Variants in VSTM2A observed in about 807,000 individuals in gnomAD.
VSTM2A encodes V-set and transmembrane domain containing 2A.
A neutral mutation model predicts 27.3 loss-of-function variants in VSTM2A; 13 were observed. The ratio of observed to expected loss-of-function variants is 0.48; its 90% CI spans 0.31 to 0.76. The LOEUF is 0.76. VSTM2A is among the 30% of genes least tolerant of loss of function. VSTM2A has a pLI of 0.05. For synonymous variants in VSTM2A, 142 were observed against 125.7 expected (o/e 1.13, Z -0.87); for missense variants, 280 against 310.0 (o/e 0.90, Z 0.73).
chr7:54,565,320 G>A (rs1345244797), intron 4 of VSTM2A, among the ~76,000 whole-genome samples: 2 of 152,202 alleles, frequency 1.3e-5, no homozygotes, highest in Non-Finnish European at 2.9e-5. Flanking sequence ...CAATATGATG[G>A]AGGCACAGTG....
Position 54,560,422 on chromosome 7 carries a change from A to G in VSTM2A, c.635-8709A>G, listed in dbSNP as rs137864668. Among the ~76,000 whole-genome samples the G allele has an allele frequency of 9.1e-4, 138 of 152,304 alleles. 1 individual carries two copies. The East Asian group carries it at 0.025, about 28-fold the overall frequency. The stretch of plus-strand genomic sequence containing the variant: ...TGAATTCATATTGATTAAATAAATC[A>G]AACACATACAAGCAAATAAAATATC... On this transcript the variant is annotated intron_variant, in intron 4 of 4. Transcript: ENST00000402613.
chr7:54,543,273 G>A (rs1787843889), intron 1 of VSTM2A, among the ~76,000 whole-genome samples: 1 of 152,134 alleles, frequency 6.6e-6, no homozygotes, highest in Non-Finnish European at 1.5e-5. Flanking sequence ...TCAAAGGACA[G>A]ACTCCTCTGA....
Position 54,544,771 on chromosome 7 carries a change from G to C in VSTM2A, c.229G>C (p.Glu77Gln). The change falls in exon 2 of 5, where the codon GAG becomes CAG. Residue 77 changes from glutamate to glutamine, a missense_variant. Coordinates refer to ENST00000402613, the MANE Select transcript of VSTM2A (RefSeq NM_001301009.2). ...RGPEDLDPGAEGAGAQVELLP... is the reference protein window; with the variant it reads ...RGPEDLDPGAQGAGAQVELLP... The stretch of plus-strand genomic sequence containing the variant: ...GCCGGAGGACCTGGATCCCGGGGCC[G>C]AGGGGGCCGGCGCGCAGGTAGCGGA... The C allele has an allele frequency of 1.2e-6, 2 of 1,608,970 alleles. No homozygotes were observed. Among genetic ancestry groups the C allele is most frequent in the Non-Finnish European group, 1.7e-6 (2 of 1,178,080 alleles).
At chr7:54,557,320 C>CTTTT (rs10543201) in intron 4 of VSTM2A, 1 of 135,038 alleles carries the variant, frequency 7.4e-6, no homozygotes. Context: ...TCATTTCTTT[C>CTTTT]TTTTTTTTTT....
chr7:54,549,926 T>A lies in VSTM2A; in HGVS notation c.390T>A (p.Thr130=). 6.2e-7 allele frequency: 1 copy of A among 1,613,868 alleles called. No individual in the cohort carries two copies. Among genetic ancestry groups the A allele is most frequent in the Non-Finnish European group, 8.5e-7 (1 of 1,179,848 alleles). ...AAGGCTTATATGAGTGCAGGGTGACTGATGCCAACTACGGGGAGCTTCAGG... is the reference window on the plus strand; with the variant it reads ...AAGGCTTATATGAGTGCAGGGTGACAGATGCCAACTACGGGGAGCTTCAGG... ...KDEGLYECRV[T]DANYGELQEH... Residue 130 remains threonine (T), a synonymous_variant, in exon 4 of 5, where the codon ACT becomes ACA. Coordinates refer to ENST00000402613, the MANE Select transcript of VSTM2A (RefSeq NM_001301009.2).
At chr7:54,566,531 A>G (rs1217912077) in intron 4 of VSTM2A, among the ~76,000 whole-genome samples, 1 of 152,222 alleles carries the variant, frequency 6.6e-6, no homozygotes, top group Non-Finnish European at 1.5e-5. Flanking sequence ...AGATAAATGG[A>G]CAGGCAATTA....
intron 2 of VSTM2A, 79 bp from the exon 3 acceptor site, chr7:54,546,868 C>A: frequency 6.4e-7 from 1 of 1,570,330 alleles, no homozygotes; most frequent in Non-Finnish European, 8.6e-7. Context: ...CTGCCCGGAG[C>A]CGCGAAGGCT....
chr7:54,566,391 A>G (rs951285812), intron 4 of VSTM2A, among the ~76,000 whole-genome samples: 2 of 151,604 alleles, frequency 1.3e-5, no homozygotes, highest in Admixed American at 6.6e-5. Context: ...TAATGAGCTA[A>G]TAGCATAATC....
chr7:54,545,241 G>T (rs1318100635), intron 2 of VSTM2A, among the ~76,000 whole-genome samples: 1 of 151,842 alleles, frequency 6.6e-6, no homozygotes, highest in Non-Finnish European at 1.5e-5. Flanking sequence ...GAGAACCAGG[G>T]CGGCCAGCTC....
At chr7:54,563,945 T>C (rs1294325977) in intron 4 of VSTM2A, among the ~76,000 whole-genome samples, 1 of 152,222 alleles carries the variant, frequency 6.6e-6, no homozygotes, top group Admixed American at 6.5e-5. Context: ...ATAAAATCAT[T>C]CTATTATTTG....
At chr7:54,549,807 T>C in intron 3 of VSTM2A, 27 bp from the exon 4 acceptor site, 1 of 1,545,888 alleles carries the variant, frequency 6.5e-7, no homozygotes. Flanking sequence ...TAGCACTTTA[T>C]TGTTTTTTTT....
At position 54,544,454 on chromosome 7, in the gene VSTM2A, C is replaced by T. The variant is rs543947326; in HGVS notation, c.80-168C>T. Reference sequence around the variant, plus strand: ...TTTAGGTATGATACCAAAAGTTAGACAGGAAAGAGGCAAAGGAAGGGGGCT... The same window carrying T: ...TTTAGGTATGATACCAAAAGTTAGATAGGAAAGAGGCAAAGGAAGGGGGCT... On this transcript the variant is annotated intron_variant, in intron 1 of 4. Coordinates refer to ENST00000402613, the MANE Select transcript of VSTM2A (RefSeq NM_001301009.2). Among the ~76,000 whole-genome samples the T allele has an allele frequency of 6.6e-5, 10 of 152,178 alleles. No homozygotes were observed. In the South Asian group the frequency reaches 1.9e-3, roughly 28 times the overall value.
chr7:54,544,571 T>C (rs1234686927), intron 1 of VSTM2A, 51 bp from the exon 2 acceptor site: 1 of 1,609,832 alleles, frequency 6.2e-7, no homozygotes, highest in Non-Finnish European at 8.5e-7. Context: ...GGAAAGAGAC[T>C]CAGGCAAGAG....
At chr7:54,547,486 T>C (rs1345875977) in intron 3 of VSTM2A, among the ~76,000 whole-genome samples, 3 of 152,180 alleles carry the variant, frequency 2.0e-5, no homozygotes, top group African/African-American at 7.2e-5. Context: ...ATTAAGAATA[T>C]ATAAATATAA....
chr7:54,554,178 A>G (rs1419518458), intron 4 of VSTM2A: 3 of 1,490,628 alleles, frequency 2.0e-6, no homozygotes, highest in African/African-American at 2.8e-5. Flanking sequence ...CCCAGTCTCT[A>G]GGCAGCCTTT....
rs1788853561 is a variant in VSTM2A at position 54,570,334 on chromosome 7, G to A, written c.*1115G>A. The A allele has an allele frequency of 6.6e-6, 1 of 152,132 alleles. No homozygotes were observed. The highest frequency in any genetic ancestry group is 1.5e-5 in the Non-Finnish European group (1 of 68,016). 9.4% of individuals were successfully genotyped at this position (152,132 alleles called of 1,614,324 possible). A position where few individuals can be genotyped will look rare whatever the true frequency, so the allele number is the denominator to read the frequency against. ...TGCCTAGGAGGCGAATGTGGGGAAG[G>A]TGAAGCACTCACCATAATTCCCTAA... On this transcript the variant is annotated 3_prime_UTR_variant, in exon 5 of 5. Transcript: ENST00000402613.
intron 4 of VSTM2A, among the ~76,000 whole-genome samples, chr7:54,568,493 A>G (rs1475062751): frequency 6.6e-6 from 1 of 152,008 alleles, no homozygotes; most frequent in African/African-American, 2.4e-5. Flanking sequence ...GGAGTTTCCA[A>G]TTCTTGATAG....
At chr7:54,549,788 C>T in intron 3 of VSTM2A, 46 bp from the exon 4 acceptor site, 4 of 1,490,014 alleles carry the variant, frequency 2.7e-6, no homozygotes, top group Non-Finnish European at 3.6e-6. Flanking sequence ...GGAACAAAAT[C>T]ATTTGATGTA....
intron 4 of VSTM2A, among the ~76,000 whole-genome samples, chr7:54,565,803 T>C (rs1788702396): frequency 6.6e-6 from 1 of 152,264 alleles, no homozygotes; most frequent in African/African-American, 2.4e-5. Flanking sequence ...TCTGTTATTC[T>C]CTGAAATCAT....
Sources: allele counts gnomAD v4.1 joint callset (sites outside exome capture counted in the v4.1 genomes callset), GRCh38; gene constraint gnomAD v4.1.1; transcripts MANE v1.5; gene names NCBI Gene and HGNC (gene_info 2026-07-23, HGNC 2026-07-21).